Variants in CDKAL1 observed in about 807,000 individuals in gnomAD.
The protein encoded by CDKAL1 is threonylcarbamoyladenosine tRNA methylthiotransferase.
Under a neutral mutation model 68.2 loss-of-function variants are expected in CDKAL1, and 32 were observed. The observed-to-expected ratio is 0.47, with a 90% CI of 0.35 to 0.63. CDKAL1 has a LOEUF of 0.63. Ranked by LOEUF, CDKAL1 falls within the 30% of genes least tolerant of loss-of-function variation. The pLI is 0.00. For missense variants in CDKAL1, 606 were observed against 696.7 expected, an observed-to-expected ratio of 0.87 and a Z score of 1.47; for synonymous variants, 234 against 244.3, an observed-to-expected ratio of 0.96 and a Z score of 0.39.
intron 8 of CDKAL1, among the ~76,000 whole-genome samples, chr6:20,810,392 TCACACA>T (rs59104508): frequency 0.11 from 12,493 of 115,226 alleles, 822 homozygotes; most frequent in South Asian, 0.13. Flanking sequence ...TCTCTCTCTG[TCACACA>T]CACACACACA....
chr6:21,069,114 T>C (rs1463132515), intron 12 of CDKAL1, among the ~76,000 whole-genome samples: 1 of 152,212 alleles, frequency 6.6e-6, no homozygotes, highest in East Asian at 1.9e-4. Context: ...TGTCATCTGA[T>C]AGTCATAGTT....
intron 9 of CDKAL1, among the ~76,000 whole-genome samples, chr6:20,922,385 G>A (rs1223341760): frequency 6.6e-6 from 1 of 152,170 alleles, no homozygotes; most frequent in African/African-American, 2.4e-5. Context: ...AGTTTGGAAG[G>A]GGTAGGAGAG....
chr6:20,758,648 T>G lies in CDKAL1; in HGVS notation c.517+5T>G, dbSNP rs371390187. 1.7e-5 allele frequency: 27 copies of G among 1,605,298 alleles called. No homozygotes were observed. Among genetic ancestry groups the G allele is most frequent in the Non-Finnish European group, 2.0e-5 (23 of 1,174,522 alleles). On this transcript the variant is annotated splice_donor_5th_base_variant and intron_variant, in intron 7 of 15. Coordinates refer to ENST00000274695, the MANE Select transcript of CDKAL1 (RefSeq NM_017774.3). ...TTGTGGAGGAGACAATTAAAGGTAA[T>G]CGTTGAAAGTGAGATAAACAGATGT... is the stretch of plus-strand genomic sequence containing the variant.
At chr6:21,018,560 G>A (rs1411827771) in intron 11 of CDKAL1, among the ~76,000 whole-genome samples, 1 of 152,052 alleles carries the variant, frequency 6.6e-6, no homozygotes, top group African/African-American at 2.4e-5. Context: ...CTTTAAGTTT[G>A]GAATAAGCTT....
chr6:21,146,665 A>G (rs771111080), intron 13 of CDKAL1, among the ~76,000 whole-genome samples: 1 of 152,040 alleles, frequency 6.6e-6, no homozygotes, highest in Non-Finnish European at 1.5e-5. Context: ...CCTGGCTAAC[A>G]TGGTGAAACC....
chr6:20,742,452 A>G (rs1057482525), intron 6 of CDKAL1, among the ~76,000 whole-genome samples: 1 of 151,942 alleles, frequency 6.6e-6, no homozygotes, highest in Non-Finnish European at 1.5e-5. Context: ...AATTTTGCTT[A>G]TCTTCTTCAG....
Position 20,830,176 on chromosome 6 carries a change from G to T in CDKAL1, c.639-15899G>T, listed in dbSNP as rs150472622. ...TGGCCTGTTATTTACTTTAACATGG[G>T]TTATTTTCTACCAGTTACATGATCA... On this transcript the variant is annotated intron_variant, in intron 8 of 15. Transcript: ENST00000274695. 2.0e-3 allele frequency among the ~76,000 whole-genome samples: 300 copies of T among 152,180 alleles called. 2 individuals are homozygous for T. Among genetic ancestry groups the T allele is most frequent in the African/African-American group, 6.9e-3 (286 of 41,542 alleles).
At chr6:21,060,837 T>C (rs1771106249) in intron 11 of CDKAL1, among the ~76,000 whole-genome samples, 1 of 152,190 alleles carries the variant, frequency 6.6e-6, no homozygotes, top group East Asian at 1.9e-4. Flanking sequence ...GTTTTGTTTA[T>C]GTCTATAATT....
At chr6:20,757,021 C>G (rs1217245216) in intron 6 of CDKAL1, among the ~76,000 whole-genome samples, 2 of 151,630 alleles carry the variant, frequency 1.3e-5, no homozygotes, top group African/African-American at 2.4e-5. Flanking sequence ...ACAACCTCCA[C>G]CTCCCATGTT....
At chr6:21,012,767 A>T (rs983411849) in intron 11 of CDKAL1, among the ~76,000 whole-genome samples, 1 of 151,788 alleles carries the variant, frequency 6.6e-6, no homozygotes, top group African/African-American at 2.4e-5. Context: ...TTCTGTGCCC[A>T]TATTTGAGGT....
chr6:21,096,251 G>A (rs1773310047), intron 12 of CDKAL1, among the ~76,000 whole-genome samples: 1 of 152,194 alleles, frequency 6.6e-6, no homozygotes, highest in Non-Finnish European at 1.5e-5. Flanking sequence ...TTTTAGAACT[G>A]TATAGCAGCT....
chr6:21,164,816 C>G (rs1035041318), intron 13 of CDKAL1, among the ~76,000 whole-genome samples: 1 of 152,156 alleles, frequency 6.6e-6, no homozygotes, highest in Admixed American at 6.5e-5. Flanking sequence ...TAAGCCACCA[C>G]TGTAGCTTGC....
intron 9 of CDKAL1, among the ~76,000 whole-genome samples, chr6:20,889,542 T>C (rs1408997494): frequency 6.6e-6 from 1 of 152,186 alleles, no homozygotes; most frequent in Non-Finnish European, 1.5e-5. Context: ...TTGAATTAAT[T>C]TTTGTATAAG....
At chr6:20,599,347 T>G (rs545439122) in intron 4 of CDKAL1, 1 of 452,202 alleles carries the variant, frequency 2.2e-6, no homozygotes. Context: ...ATAAAATAAT[T>G]TAATTACATG....
intron 5 of CDKAL1, among the ~76,000 whole-genome samples, chr6:20,736,364 A>C (rs1314124155): frequency 1.3e-5 from 2 of 152,220 alleles, no homozygotes; most frequent in East Asian, 3.9e-4. Context: ...AAGTTTGCTG[A>C]CCCCTACTTT....
At chr6:20,933,706 A>G (rs913865282) in intron 9 of CDKAL1, among the ~76,000 whole-genome samples, 20 of 152,216 alleles carry the variant, frequency 1.3e-4, no homozygotes, top group Admixed American at 5.2e-4. Flanking sequence ...AGTGTATATA[A>G]TTACACCGTC....
chr6:20,783,911 T>C (rs571294086), intron 8 of CDKAL1, among the ~76,000 whole-genome samples: 3 of 152,204 alleles, frequency 2.0e-5, no homozygotes, highest in African/African-American at 7.2e-5. Context: ...CTCAAGTACC[T>C]CATATAAAAT....
rs187578490 is a variant in CDKAL1, at chr6:20,981,407, C to A, written c.910-18820C>A. 2.0e-5 allele frequency among the ~76,000 whole-genome samples: 3 copies of A among 152,266 alleles called. No homozygotes were observed. The East Asian group carries it at 5.8e-4, about 29-fold the overall frequency. On this transcript the variant is annotated intron_variant, in intron 10 of 15. Coordinates refer to ENST00000274695, the MANE Select transcript of CDKAL1 (RefSeq NM_017774.3). ...TTATTTCATCTGGAATGCGTTCTTG[C>A]ACTTTCTGAGACTAAGTCTTAGATA...
rs74836276 is a variant in CDKAL1 at position 20,535,734 on chromosome 6, G to T, written c.-6+340G>T. Among the ~76,000 whole-genome samples the T allele has an allele frequency of 6.9e-3, 1,046 of 152,120 alleles. 10 individuals are homozygous for T. Among genetic ancestry groups the T allele is most frequent in the African/African-American group, 0.024 (993 of 41,500 alleles). ...AGTTAAATTTGGAGTCTCTCAAGTC[G>T]TGGTCTTGTACCTTCTCCTACCTCT... On this transcript the variant is annotated intron_variant, in intron 2 of 15. Coordinates refer to ENST00000274695, the MANE Select transcript of CDKAL1 (RefSeq NM_017774.3).
Sources: gnomAD v4.1 joint callset for allele counts (sites outside exome capture counted in the v4.1 genomes callset) on GRCh38, gnomAD v4.1.1 for gene constraint, MANE v1.5 for transcripts, NCBI Gene and HGNC (gene_info 2026-07-23, HGNC 2026-07-21) for gene names.